DLG2: variants seen among roughly 807,000 people sequenced by gnomAD.
DLG2 encodes discs large MAGUK scaffold protein 2, also known as disks large homolog 2.
DLG2 carries 45 observed loss-of-function variants against 132.5 expected under a neutral mutation model. The ratio of observed to expected loss-of-function variants is 0.34; its 90% CI spans 0.27 to 0.44. DLG2 has a LOEUF of 0.44. DLG2 is among the 20% of genes least tolerant of loss of function. DLG2 has a pLI of 1.00. For synonymous variants in DLG2, 424 were observed against 419.6 expected, an observed-to-expected ratio of 1.01 and a Z score of -0.13; for missense variants, 1,045 against 1,196.9, an observed-to-expected ratio of 0.87 and a Z score of 1.87.
At chr11:84,340,018 T>C (rs975523208) in intron 7 of DLG2, among the ~76,000 whole-genome samples, 7 of 152,170 alleles carry the variant, frequency 4.6e-5, no homozygotes, top group Non-Finnish European at 7.4e-5. Context: ...TGCTGAACTG[T>C]TTGAACCCAA....
At chr11:83,830,153 C>T (rs561276379) in intron 17 of DLG2, among the ~76,000 whole-genome samples, 1 of 152,198 alleles carries the variant, frequency 6.6e-6, no homozygotes, top group Non-Finnish European at 1.5e-5. Flanking sequence ...TTTTCCTCAT[C>T]ATCTGTATTT....
At chr11:85,145,715 A>T (rs1187223456) in intron 5 of DLG2, among the ~76,000 whole-genome samples, 5 of 152,034 alleles carry the variant, frequency 3.3e-5, no homozygotes, top group African/African-American at 1.2e-4. Flanking sequence ...AATTTCTGGG[A>T]TAAGATTTTG....
At chr11:84,520,435 A>G (rs756115334) in intron 7 of DLG2, among the ~76,000 whole-genome samples, 4 of 152,186 alleles carry the variant, frequency 2.6e-5, no homozygotes, top group Non-Finnish European at 5.9e-5. Flanking sequence ...TCAGATCCTA[A>G]TGATACATTC....
At chr11:85,134,148 C>A (rs544872617) in intron 5 of DLG2, among the ~76,000 whole-genome samples, 1 of 151,992 alleles carries the variant, frequency 6.6e-6, no homozygotes, top group Non-Finnish European at 1.5e-5. Flanking sequence ...AATACATAGT[C>A]AACTGGACCA....
chr11:84,351,771 G>A (rs1373771286), intron 7 of DLG2, among the ~76,000 whole-genome samples: 1 of 152,158 alleles, frequency 6.6e-6, no homozygotes, highest in Non-Finnish European at 1.5e-5. Flanking sequence ...AGACTTAAAA[G>A]GACCTTGCTT....
intron 8 of DLG2, among the ~76,000 whole-genome samples, chr11:84,223,139 T>C (rs1398318888): frequency 1.3e-5 from 2 of 152,132 alleles, no homozygotes; most frequent in South Asian, 2.1e-4. Flanking sequence ...AATGATTCAA[T>C]ACTGAGATGG....
At chr11:83,489,744 C>G (rs2093731297) in intron 21 of DLG2, among the ~76,000 whole-genome samples, 1 of 151,924 alleles carries the variant, frequency 6.6e-6, no homozygotes, top group Non-Finnish European at 1.5e-5. Context: ...AAAGAAGCCT[C>G]GAACTTCACT....
intron 7 of DLG2, among the ~76,000 whole-genome samples, chr11:84,387,409 A>G (rs1323960008): frequency 6.6e-6 from 1 of 152,038 alleles, no homozygotes; most frequent in East Asian, 1.9e-4. Context: ...TATAATCATT[A>G]TAATTATTAA....
intron 11 of DLG2, among the ~76,000 whole-genome samples, chr11:84,048,348 G>C (rs74809609): frequency 0.017 from 2,500 of 151,510 alleles, 72 homozygotes; most frequent in African/African-American, 0.056. Flanking sequence ...GTGTACCCCA[G>C]GGAACCATTG....
chr11:83,477,752 G>GTATT (rs2092734331), intron 22 of DLG2, among the ~76,000 whole-genome samples: 1 of 146,612 alleles, frequency 6.8e-6, no homozygotes, highest in African/African-American at 2.5e-5. Flanking sequence ...GTTTTTTTTT[G>GTATT]TATTTGTTTA....
chr11:84,263,433 C>T (rs1316969981), intron 7 of DLG2, among the ~76,000 whole-genome samples: 2 of 152,110 alleles, frequency 1.3e-5, no homozygotes, highest in African/African-American at 4.8e-5. Context: ...AGACAAGGCA[C>T]CTCAAAAATC....
chr11:84,670,130 A>G (rs2099704140), intron 6 of DLG2, among the ~76,000 whole-genome samples: 1 of 152,106 alleles, frequency 6.6e-6, no homozygotes, highest in African/African-American at 2.4e-5. Flanking sequence ...AATGAGATAT[A>G]AAGAGAAATA....
chr11:84,021,074 T>C (rs986516345), intron 11 of DLG2, among the ~76,000 whole-genome samples: 1 of 152,006 alleles, frequency 6.6e-6, no homozygotes, highest in Non-Finnish European at 1.5e-5. Context: ...TAGAGATGAG[T>C]ATTTAACTCT....
In DLG2 at chr11:83,666,831, C is replaced by G. The variant is rs2075689540; in HGVS notation, c.1826-33506G>C. On this transcript the variant is annotated intron_variant, in intron 18 of 27. Transcript: ENST00000376104. The stretch of plus-strand genomic sequence containing the variant: ...AAGTGAAGGGGGCAAAATTCAAAGC[C>G]TGGGCTTTGGCCTTCTGTGCTAGTT... Among the ~76,000 whole-genome samples the G allele has an allele frequency of 2.6e-5, 4 of 152,136 alleles. No homozygotes were observed. In the South Asian group the frequency reaches 8.3e-4, roughly 32 times the overall value.
chr11:85,171,512 A>G (rs2078876307), intron 4 of DLG2, among the ~76,000 whole-genome samples: 1 of 152,196 alleles, frequency 6.6e-6, no homozygotes, highest in African/African-American at 2.4e-5. Context: ...CAGAGGCCCA[A>G]GGGTTTTGTA....
At chr11:84,988,824 A>T (rs184818556) in intron 6 of DLG2, among the ~76,000 whole-genome samples, 2 of 152,174 alleles carry the variant, frequency 1.3e-5, no homozygotes, top group Non-Finnish European at 2.9e-5. Context: ...CCACTACAGA[A>T]CTTACTCACG....
chr11:85,257,601 G>A (rs1565225184), intron 4 of DLG2, among the ~76,000 whole-genome samples: 1 of 152,136 alleles, frequency 6.6e-6, no homozygotes, highest in South Asian at 2.1e-4. Flanking sequence ...AAGATGAGGT[G>A]GATGAAGAAG....
intron 6 of DLG2, among the ~76,000 whole-genome samples, chr11:84,724,912 T>C (rs956230584): frequency 2.0e-5 from 3 of 152,132 alleles, no homozygotes; most frequent in Non-Finnish European, 4.4e-5. Context: ...AATGTTCTCA[T>C]GGTGGAAGGA....
At chr11:84,858,826 A>T (rs1040575883) in intron 6 of DLG2, among the ~76,000 whole-genome samples, 8 of 152,038 alleles carry the variant, frequency 5.3e-5, no homozygotes, top group African/African-American at 1.7e-4. Context: ...TTTGTTTGAC[A>T]AGTACTCAAA....
Sources: gnomAD v4.1 joint callset for allele counts (sites outside exome capture counted in the v4.1 genomes callset) on GRCh38, gnomAD v4.1.1 for gene constraint, MANE v1.5 for transcripts, NCBI Gene and HGNC (gene_info 2026-07-23, HGNC 2026-07-21) for gene names.